Variants in HS6ST3 observed in about 807,000 individuals in gnomAD.
HS6ST3 encodes heparan sulfate 6-O-sulfotransferase 3.
Under a neutral mutation model 36.7 loss-of-function variants are expected in HS6ST3, and 12 were observed. The observed-to-expected ratio is 0.33, with a 90% CI of 0.21 to 0.53. The LOEUF (loss-of-function observed/expected upper bound fraction) is 0.53. Among genes scored for constraint, HS6ST3 ranks in the 20% least tolerant of loss-of-function variants. HS6ST3 has a pLI of 0.95. For synonymous variants in HS6ST3, 240 were observed against 257.5 expected (o/e 0.93, Z 0.65); for missense variants, 584 against 640.9 (o/e 0.91, Z 0.96).
rs1300272034 is a variant in HS6ST3 at position 96,090,319 on chromosome 13, G to C, written c.-544G>C. On this transcript the variant is annotated 5_prime_UTR_variant, in exon 1 of 2. Transcript: ENST00000376705. The stretch of plus-strand genomic sequence containing the variant: ...TCGCGGCTCCACAGCCCCGCGACCT[G>C]CCGGCAAAGGCGCCGGGCGCGCGTG... 1.3e-5 allele frequency among the ~76,000 whole-genome samples: 2 copies of C among 148,234 alleles called. No individual in the cohort carries two copies. Among genetic ancestry groups the C allele is most frequent in the Non-Finnish European group, 3.0e-5 (2 of 66,724 alleles).
chr13:96,127,740 C>T (rs1594686470), intron 1 of HS6ST3, among the ~76,000 whole-genome samples: 1 of 152,284 alleles, frequency 6.6e-6, no homozygotes, highest in South Asian at 2.1e-4. Context: ...CTTAGTTCTG[C>T]TCTTATTCTA....
At chr13:96,494,742 A>T (rs1263071685) in intron 1 of HS6ST3, among the ~76,000 whole-genome samples, 1 of 152,054 alleles carries the variant, frequency 6.6e-6, no homozygotes, top group African/African-American at 2.4e-5. Flanking sequence ...CGTCTTCGGT[A>T]TACATATGCT....
chr13:96,133,744 T>G (rs912590495), intron 1 of HS6ST3, among the ~76,000 whole-genome samples: 2 of 152,166 alleles, frequency 1.3e-5, no homozygotes, highest in African/African-American at 4.8e-5. Flanking sequence ...CTTTTTAGTT[T>G]GGAGTAATCT....
intron 1 of HS6ST3, among the ~76,000 whole-genome samples, chr13:96,413,071 C>T (rs1315709216): frequency 1.3e-5 from 2 of 152,120 alleles, no homozygotes; most frequent in Admixed American, 6.6e-5. Flanking sequence ...GGCCTGAGAG[C>T]ATGCCCATCA....
At chr13:96,705,009 A>G (rs1875382702) in intron 1 of HS6ST3, among the ~76,000 whole-genome samples, 1 of 152,212 alleles carries the variant, frequency 6.6e-6, no homozygotes, top group African/African-American at 2.4e-5. Flanking sequence ...CTGAACAGAA[A>G]GTGCAGAGAG....
intron 1 of HS6ST3, among the ~76,000 whole-genome samples, chr13:96,299,096 G>A (rs781129352): frequency 1.3e-5 from 2 of 152,160 alleles, no homozygotes; most frequent in South Asian, 4.1e-4. Context: ...ATTTCTCATG[G>A]TGGATTAAAC....
At chr13:96,741,192 C>T (rs1457113959) in intron 1 of HS6ST3, among the ~76,000 whole-genome samples, 1 of 152,136 alleles carries the variant, frequency 6.6e-6, no homozygotes, top group Admixed American at 6.5e-5. Context: ...TGGAAATTCT[C>T]ATAATGTGCA....
At chr13:96,325,261 A>T (rs1051264186) in intron 1 of HS6ST3, among the ~76,000 whole-genome samples, 5 of 152,170 alleles carry the variant, frequency 3.3e-5, no homozygotes, top group African/African-American at 1.2e-4. Flanking sequence ...TATATAAATG[A>T]TACTCCTTCA....
chr13:96,762,581 G>A (rs998480566), intron 1 of HS6ST3, among the ~76,000 whole-genome samples: 10 of 152,170 alleles, frequency 6.6e-5, no homozygotes, highest in African/African-American at 2.4e-4. Context: ...GATGGCTTCA[G>A]TTGTACTAAT....
intron 1 of HS6ST3, among the ~76,000 whole-genome samples, chr13:96,477,794 C>T (rs373447516): frequency 7.2e-5 from 11 of 152,072 alleles, no homozygotes; most frequent in East Asian, 5.8e-4. Flanking sequence ...CTCTTAAAGC[C>T]GGGAGGCAAA....
chr13:96,831,841 G>C (rs2138549874), intron 1 of HS6ST3, among the ~76,000 whole-genome samples: 2 of 151,306 alleles, frequency 1.3e-5, no homozygotes, highest in African/African-American at 4.9e-5. Flanking sequence ...TGTAATCCCA[G>C]CTATTCAGGA....
At chr13:96,185,454 A>T (rs1017967769) in intron 1 of HS6ST3, among the ~76,000 whole-genome samples, 7 of 152,226 alleles carry the variant, frequency 4.6e-5, no homozygotes. Context: ...GTGAGGCCCC[A>T]GCCAAGGCCC....
At chr13:96,110,878 G>A (rs2139300043) in intron 1 of HS6ST3, among the ~76,000 whole-genome samples, 1 of 152,242 alleles carries the variant, frequency 6.6e-6, no homozygotes, top group East Asian at 1.9e-4. Flanking sequence ...TTCAGAAGCA[G>A]TAATTCAGGC....
intron 1 of HS6ST3, among the ~76,000 whole-genome samples, chr13:96,210,453 A>G (rs1330593691): frequency 6.6e-6 from 1 of 152,230 alleles, no homozygotes; most frequent in Non-Finnish European, 1.5e-5. Context: ...GTATTCAGCA[A>G]TCTCCTGCTC....
intron 1 of HS6ST3, among the ~76,000 whole-genome samples, chr13:96,679,744 T>C (rs1045419385): frequency 6.6e-6 from 1 of 152,162 alleles, no homozygotes; most frequent in Non-Finnish European, 1.5e-5. Flanking sequence ...GCCTGCTGGT[T>C]AGTGTGGCAA....
At chr13:96,474,915 C>T (rs547210196) in intron 1 of HS6ST3, among the ~76,000 whole-genome samples, 1 of 152,260 alleles carries the variant, frequency 6.6e-6, no homozygotes, top group South Asian at 2.1e-4. Flanking sequence ...AAAGTGAGTG[C>T]AGTGCTGAGA....
At chr13:96,107,778 G>A (rs956844893) in intron 1 of HS6ST3, among the ~76,000 whole-genome samples, 1 of 152,110 alleles carries the variant, frequency 6.6e-6, no homozygotes, top group Non-Finnish European at 1.5e-5. Context: ...TGCGGTTTCT[G>A]AACATAAATT....
chr13:96,410,829 T>C (rs2055503929), intron 1 of HS6ST3, among the ~76,000 whole-genome samples: 1 of 152,084 alleles, frequency 6.6e-6, no homozygotes, highest in African/African-American at 2.4e-5. Context: ...ATGCCAGTCA[T>C]GGTGTCTAAC....
At chr13:96,472,375 C>T (rs1156875259) in intron 1 of HS6ST3, among the ~76,000 whole-genome samples, 1 of 152,174 alleles carries the variant, frequency 6.6e-6, no homozygotes, top group Non-Finnish European at 1.5e-5. Flanking sequence ...TGGCTCAAGC[C>T]AAGTTGAATC....
Sources: allele counts gnomAD v4.1 joint callset (sites outside exome capture counted in the v4.1 genomes callset), GRCh38; gene constraint gnomAD v4.1.1; transcripts MANE v1.5; gene names NCBI Gene and HGNC (gene_info 2026-07-23, HGNC 2026-07-21).